The following SUGCT variants were observed in gnomAD, a reference collection of about 807,000 sequenced individuals.
SUGCT encodes the protein succinyl-CoA:glutarate-CoA transferase.
A neutral mutation model predicts 55.0 loss-of-function variants in SUGCT; 41 were observed. That is an observed-to-expected ratio of 0.74 (90% CI 0.58 to 0.97). The LOEUF (loss-of-function observed/expected upper bound fraction) is 0.97. SUGCT is among the 50% of genes least tolerant of loss of function. The probability of loss-of-function intolerance (pLI) is 0.00; values close to 1 mark genes in which losing one functional copy is unlikely to be tolerated. For synonymous variants in SUGCT, 187 were observed against 200.4 expected (o/e 0.93, Z 0.56); for missense variants, 568 against 547.8 (o/e 1.04, Z -0.37).
intron 13 of SUGCT, among the ~76,000 whole-genome samples, chr7:40,824,197 T>C (rs906610348): frequency 6.7e-6 from 1 of 149,264 alleles, no homozygotes; most frequent in East Asian, 2.1e-4. Context: ...GGGCAAACCA[T>C]ATTCCTTGCT....
the SUGCT span, among the ~76,000 whole-genome samples, chr7:40,996,394 G>A: frequency 5.3e-5 from 8 of 152,124 alleles, no homozygotes; most frequent in Admixed American, 1.3e-4. Flanking sequence ...TCCATTTCCC[G>A]GTCACAGTTG....
chr7:40,695,795 C>T (rs75820032), intron 12 of SUGCT, among the ~76,000 whole-genome samples: 2,493 of 152,234 alleles, frequency 0.016, 67 homozygotes, highest in African/African-American at 0.056. Flanking sequence ...TCCCTGTCCT[C>T]TACTCACTAG....
intron 8 of SUGCT, among the ~76,000 whole-genome samples, chr7:40,315,505 A>G (rs1225846648): frequency 6.6e-6 from 1 of 152,220 alleles, no homozygotes; most frequent in Non-Finnish European, 1.5e-5. Context: ...GGCAGTTCCA[A>G]TTTTGACAGA....
intron 11 of SUGCT, among the ~76,000 whole-genome samples, chr7:40,492,158 G>A (rs1479572023): frequency 6.6e-6 from 1 of 152,064 alleles, no homozygotes; most frequent in Non-Finnish European, 1.5e-5. Context: ...GAGACCTTTC[G>A]AGACTGGGTA....
the SUGCT span, among the ~76,000 whole-genome samples, chr7:41,007,312 G>A: frequency 6.6e-6 from 1 of 152,084 alleles, no homozygotes; most frequent in Non-Finnish European, 1.5e-5. Flanking sequence ...AAGTGAGATG[G>A]CCCTCACTGA....
intron 13 of SUGCT, among the ~76,000 whole-genome samples, chr7:40,828,712 G>C (rs1792491493): frequency 6.6e-6 from 1 of 152,004 alleles, no homozygotes; most frequent in South Asian, 2.1e-4. Flanking sequence ...ATACCTTTAT[G>C]CAGTAAGAGC....
chr7:40,343,612 T>G (rs939703017), intron 9 of SUGCT, among the ~76,000 whole-genome samples: 4 of 152,156 alleles, frequency 2.6e-5, no homozygotes, highest in African/African-American at 9.6e-5. Flanking sequence ...CTACCCCTTC[T>G]CTTCCTCTGA....
intron 12 of SUGCT, among the ~76,000 whole-genome samples, chr7:40,509,301 A>G (rs900303215): frequency 5.3e-5 from 8 of 151,984 alleles, no homozygotes; most frequent in Non-Finnish European, 1.0e-4. Context: ...CCAAAATACT[A>G]TGACTTTCAT....
the SUGCT span, among the ~76,000 whole-genome samples, chr7:40,927,692 G>A: frequency 0.14 from 21,283 of 152,090 alleles, 2,448 homozygotes; most frequent in African/African-American, 0.32. Flanking sequence ...TGAGCCTCTT[G>A]GTTCTGAGCT....
Position 40,842,397 on chromosome 7 carries a change from C to T in SUGCT, c.1154-17919C>T, listed in dbSNP as rs75740767. Among the ~76,000 whole-genome samples, 42 of 152,270 alleles carry T rather than the reference C, an allele frequency of 2.8e-4. No individual in the cohort carries two copies. The East Asian group carries it at 7.5e-3, about 27-fold the overall frequency. ...AAAGTCTGACAGTGTTTTCCTGACT[C>T]ATTTTGCATGGTTCATGGAGTCTTA... On this transcript the variant is annotated intron_variant, in intron 13 of 13. Coordinates refer to ENST00000335693, the MANE Select transcript of SUGCT (RefSeq NM_001193313.2).
At chr7:40,904,090 A>G in the SUGCT span, among the ~76,000 whole-genome samples, 1 of 152,198 alleles carries the variant, frequency 6.6e-6, no homozygotes, top group Non-Finnish European at 1.5e-5. Flanking sequence ...TTACGACTTT[A>G]TTATAGCCCC....
At chr7:40,285,354 T>C (rs1054585959) in intron 8 of SUGCT, among the ~76,000 whole-genome samples, 11 of 152,290 alleles carry the variant, frequency 7.2e-5, no homozygotes, top group Admixed American at 5.9e-4. Flanking sequence ...GAATCATATA[T>C]ATTGTCTACT....
At chr7:40,214,616 G>A (rs1440760428) in intron 6 of SUGCT, among the ~76,000 whole-genome samples, 1 of 152,058 alleles carries the variant, frequency 6.6e-6, no homozygotes, top group East Asian at 1.9e-4. Context: ...TTGAGATTCA[G>A]TGAAAGTAGA....
At chr7:40,177,043 T>C (rs962755887) in intron 1 of SUGCT, among the ~76,000 whole-genome samples, 3 of 152,006 alleles carry the variant, frequency 2.0e-5, no homozygotes, top group African/African-American at 7.2e-5. Flanking sequence ...TTCCAAATTA[T>C]ACATTTTGTT....
intron 13 of SUGCT, among the ~76,000 whole-genome samples, chr7:40,809,072 A>G (rs1791259956): frequency 6.6e-6 from 1 of 152,172 alleles, no homozygotes; most frequent in Non-Finnish European, 1.5e-5. Flanking sequence ...GGTTATTGCT[A>G]TCAAAAACAT....
At chr7:40,252,639 G>T (rs1790503181) in intron 7 of SUGCT, among the ~76,000 whole-genome samples, 1 of 151,892 alleles carries the variant, frequency 6.6e-6, no homozygotes, top group African/African-American at 2.4e-5. Context: ...ATAGGAATTT[G>T]GTTTATTAAA....
At chr7:40,325,913 G>T (rs9718577) in intron 9 of SUGCT, among the ~76,000 whole-genome samples, 90,744 of 134,316 alleles carry the variant, frequency 0.68, 31,092 homozygotes, top group East Asian at 0.99. Context: ...TTTTTTGTTT[G>T]TTTTTGGCAG....
At chr7:40,570,440 T>A (rs1189270870) in intron 12 of SUGCT, among the ~76,000 whole-genome samples, 1 of 152,060 alleles carries the variant, frequency 6.6e-6, no homozygotes, top group Non-Finnish European at 1.5e-5. Context: ...CTTGGCAAGT[T>A]TTGCAGAACT....
the SUGCT span, among the ~76,000 whole-genome samples, chr7:40,898,007 C>T: frequency 0.019 from 2,864 of 152,252 alleles, 87 homozygotes; most frequent in South Asian, 0.11. Context: ...GGTTCCCTTC[C>T]GGTGTGAAAG....
Sources: allele counts gnomAD v4.1 joint callset (sites outside exome capture counted in the v4.1 genomes callset), GRCh38; gene constraint gnomAD v4.1.1; transcripts MANE v1.5; gene names NCBI Gene and HGNC (gene_info 2026-07-23, HGNC 2026-07-21).